Variants in HMCN2 observed in about 807,000 individuals in gnomAD.
HMCN2 encodes hemicentin-2.
HMCN2 carries 325 observed loss-of-function variants against 377.5 expected under a neutral mutation model. The ratio of observed to expected loss-of-function variants is 0.86; its 90% CI spans 0.79 to 0.94. The LOEUF is 0.94. Among genes scored for constraint, HMCN2 ranks in the 40% least tolerant of loss-of-function variants. The probability of loss-of-function intolerance (pLI) is 0.00; values close to 1 mark genes in which losing one functional copy is unlikely to be tolerated. For missense variants in HMCN2, 4,543 were observed against 4,725.3 expected, an observed-to-expected ratio of 0.96 and a Z score of 1.13; for synonymous variants, 2,007 against 2,046.8, an observed-to-expected ratio of 0.98 and a Z score of 0.53.
intron 4 of HMCN2, among the ~76,000 whole-genome samples, chr9:130,291,006 A>G (rs2131299079): frequency 6.6e-6 from 1 of 152,338 alleles, no homozygotes; most frequent in South Asian, 2.1e-4. Context: ...AGCATGCAAG[A>G]CACCACTTTT....
chr9:130,406,314 T>C lies in HMCN2; in HGVS notation c.12553+146T>C, dbSNP rs563704039. 2.0e-5 allele frequency: 12 copies of C among 599,410 alleles called. No individual in the cohort carries two copies. The East Asian group carries it at 8.3e-4, about 41-fold the overall frequency. The allele number at this position is 599,410 out of a possible 1,614,324, so 37.1% of individuals were successfully genotyped here. ...TTCTGGGTCTTCCAACGTGGCCCTA[T>C]GTAGGGGGACAGGGCAAACCCAGCT... On this transcript the variant is annotated intron_variant, in intron 82 of 97. Transcript: ENST00000683500.
In HMCN2 at chr9:130,281,631, C is replaced by G. The variant is rs908841764; in HGVS notation, c.260-2972C>G. Among the ~76,000 whole-genome samples, 69 of 149,372 alleles carry G rather than the reference C, an allele frequency of 4.6e-4. 1 individual carries two copies. Among genetic ancestry groups the G allele is most frequent in the African/African-American group, 1.7e-3 (69 of 40,412 alleles). On this transcript the variant is annotated intron_variant, in intron 1 of 97. Transcript: ENST00000683500. The stretch of plus-strand genomic sequence containing the variant: ...AAAGGACTGGCGCACTGGCTCATGC[C>G]TGCTGTAATCGCAGCACTTTGGGAG...
intron 4 of HMCN2, among the ~76,000 whole-genome samples, chr9:130,287,829 G>A (rs1394074051): frequency 6.6e-6 from 1 of 152,180 alleles, no homozygotes; most frequent in Non-Finnish European, 1.5e-5. Context: ...GAGAGGCAGG[G>A]TGTCTGAGGC....
intron 34 of HMCN2, among the ~76,000 whole-genome samples, chr9:130,357,174 GTAAA>G (rs1840076135): frequency 1.5e-5 from 2 of 133,624 alleles, no homozygotes; most frequent in Non-Finnish European, 3.1e-5. Context: ...GGATAGATGG[GTAAA>G]TGGATGGATG....
At chr9:130,278,133 G>T (rs1477929168) in intron 1 of HMCN2, among the ~76,000 whole-genome samples, 1 of 150,820 alleles carries the variant, frequency 6.6e-6, no homozygotes, top group African/African-American at 2.4e-5. Flanking sequence ...TGGTTGGTTG[G>T]TTTTTTTTTG....
At chr9:130,301,687 C>T (rs911992631) in intron 8 of HMCN2, among the ~76,000 whole-genome samples, 7 of 152,350 alleles carry the variant, frequency 4.6e-5, no homozygotes, top group Non-Finnish European at 7.3e-5. Context: ...ATGATGTCAC[C>T]GCCGCCTTCC....
Position 130,310,076 on chromosome 9 carries a change from T to C in HMCN2, c.2350+15T>C, listed in dbSNP as rs782407851. On this transcript the variant is annotated intron_variant, in intron 15 of 97. Transcript: ENST00000683500. The stretch of plus-strand genomic sequence containing the variant: ...GGCGGTTGGACGTGAGTGTATACCT[T>C]GTCTCCCCCTCCCCTGCCCATTCCC... The C allele has an allele frequency of 3.9e-6, 2 of 518,354 alleles. No homozygotes were observed. Among genetic ancestry groups the C allele is most frequent in the Admixed American group, 4.0e-5 (2 of 50,342 alleles). The allele number at this position is 518,354 out of a possible 1,614,324, so 32.1% of individuals were successfully genotyped here. A position where few individuals can be genotyped will look rare whatever the true frequency, so the allele number is the denominator to read the frequency against.
At chr9:130,346,804 G>A (rs2131502568) in intron 25 of HMCN2, among the ~76,000 whole-genome samples, 1 of 152,240 alleles carries the variant, frequency 6.6e-6, no homozygotes, top group East Asian at 1.9e-4. Flanking sequence ...ACTGGAAAGT[G>A]GAGGACGACG....
intron 15 of HMCN2, among the ~76,000 whole-genome samples, chr9:130,312,539 CCTTTCTTT>C (rs1187968109): frequency 0.034 from 223 of 6,590 alleles, 7 homozygotes; most frequent in Middle Eastern, 0.25. Context: ...CTCCCTCCCT[CCTTTCTTT>C]CTTTCTTTCT....
rs2131816544 is a variant in HMCN2 at position 130,425,755 on chromosome 9, C to T, written c.13710C>T (p.Phe4570=). 3.2e-6 allele frequency: 5 copies of T among 1,545,622 alleles called. No individual in the cohort carries two copies. Among genetic ancestry groups the T allele is most frequent in the Non-Finnish European group, 3.5e-6 (4 of 1,143,814 alleles). The change falls in exon 90 of 98, where the codon TTC becomes TTT. Residue 4570 remains phenylalanine, a synonymous_variant. Transcript: ENST00000683500. ...TCGTGGGCTCCACACAGCGCTTCTT[C>T]CAGGGCGGCCTCCCCTCGTTCCTAC... ...QLFVGSTQRF[F]QGGLPSFLRC...
chr9:130,274,722 G>A lies in HMCN2; in HGVS notation c.259+8585G>A, dbSNP rs548494349. On this transcript the variant is annotated intron_variant, in intron 1 of 97. Coordinates refer to ENST00000683500, the MANE Select transcript of HMCN2 (RefSeq NM_001291815.2). ...ATTCACTCGTGTTAAACATACCTACGTTAAAAAATTATAGTACGTAAAGCA... is the reference window on the plus strand; with the variant it reads ...ATTCACTCGTGTTAAACATACCTACATTAAAAAATTATAGTACGTAAAGCA... Among the ~76,000 whole-genome samples the A allele has an allele frequency of 1.5e-4, 23 of 152,160 alleles. 1 individual carries two copies. In the South Asian group the frequency reaches 4.6e-3, roughly 30 times the overall value.
At chr9:130,402,717 G>C in intron 77 of HMCN2, 72 bp from the exon 78 acceptor site, 1 of 938,840 alleles carries the variant, frequency 1.1e-6, no homozygotes, top group Non-Finnish European at 1.5e-6. Flanking sequence ...GAGTGGGGTT[G>C]TGTAGGAGCC....
Position 130,428,307 on chromosome 9 carries a change from G to C in HMCN2, c.14066-51G>C. On this transcript the variant is annotated intron_variant, in intron 92 of 97. Coordinates refer to ENST00000683500, the MANE Select transcript of HMCN2 (RefSeq NM_001291815.2). The surrounding 1 kb of genome is among the most constrained non-coding windows in gnomAD (Gnocchi z 5.0). ...GGCCGGGCCAGGGTCAGGTGGCGAG[G>C]CACGCCTGGGGATCATGTTCACACA... 6.8e-7 allele frequency: 1 copy of C among 1,477,612 alleles called. No homozygotes were observed. Among genetic ancestry groups the C allele is most frequent in the Non-Finnish European group, 9.0e-7 (1 of 1,107,876 alleles). The allele number at this position is 1,477,612 out of a possible 1,614,324, so 91.5% of individuals were successfully genotyped here.
Position 130,397,438 on chromosome 9 carries a change from T to C in HMCN2, c.11199-90T>C, listed in dbSNP as rs1842659721. 3 of 1,180,364 alleles carry C rather than the reference T, an allele frequency of 2.5e-6. No individual in the cohort carries two copies. The Admixed American group carries it at 7.9e-5, about 31-fold the overall frequency. The allele number at this position is 1,180,364 out of a possible 1,614,324, so 73.1% of individuals were successfully genotyped here. ...TATCAGCATCCTCTCACTGGGAAAG[T>C]GGGGGCAGAGGGAAGGGTCTTGCTA... On this transcript the variant is annotated intron_variant, in intron 73 of 97. Transcript: ENST00000683500.
At chr9:130,363,121 TC>T in intron 40 of HMCN2, 131 bp downstream of exon 40, 1 of 700,326 alleles carries the variant, frequency 1.4e-6, no homozygotes, top group Non-Finnish European at 1.7e-6. Context: ...ACAGCTGCCT[TC>T]CAGTAGGAAT....
chr9:130,370,408 CAG>C (rs1338166489), intron 45 of HMCN2, among the ~76,000 whole-genome samples: 5 of 151,760 alleles, frequency 3.3e-5, no homozygotes, highest in Non-Finnish European at 7.4e-5. Context: ...AGGGTGGAGA[CAG>C]GGAGTGGTAA....
chr9:130,371,830 G>C (rs1841037461), intron 46 of HMCN2, among the ~76,000 whole-genome samples: 1 of 152,210 alleles, frequency 6.6e-6, no homozygotes, highest in Admixed American at 6.5e-5. Context: ...AACAGCAGTG[G>C]TGTCCTGTGT....
chr9:130,402,402 C>T (rs968223348), intron 77 of HMCN2, among the ~76,000 whole-genome samples: 5 of 152,146 alleles, frequency 3.3e-5, no homozygotes, highest in Non-Finnish European at 5.9e-5. Flanking sequence ...GGGAGGCTTC[C>T]TAGAGGAGGT....
In HMCN2 at chr9:130,386,427, G is replaced by A; in HGVS notation, c.9310-16G>A. The A allele has an allele frequency of 7.7e-7, 1 of 1,301,122 alleles. No homozygotes were observed. The allele number at this position is 1,301,122 out of a possible 1,614,324, so 80.6% of individuals were successfully genotyped here. A position where few individuals can be genotyped will look rare whatever the true frequency, so the allele number is the denominator to read the frequency against. The stretch of plus-strand genomic sequence containing the variant: ...CAGCTCCAGCACACAGCCACTGTGT[G>A]CTCTTCCTCTTTCAGGTATCGGATA... On this transcript the variant is annotated splice_polypyrimidine_tract_variant and intron_variant, in intron 60 of 97. Transcript: ENST00000683500.
Sources: allele counts gnomAD v4.1 joint callset (sites outside exome capture counted in the v4.1 genomes callset), GRCh38; gene constraint gnomAD v4.1.1; non-coding constraint Gnocchi (gnomAD v3.1); transcripts MANE v1.5; gene names NCBI Gene and HGNC (gene_info 2026-07-23, HGNC 2026-07-21).